SHLD1: variants seen among roughly 807,000 people sequenced by gnomAD.
The protein encoded by SHLD1 is shieldin complex subunit 1, also known as RINN1-REV7-interacting novel NHEJ regulator 3.
Under a neutral mutation model 5.5 loss-of-function variants are expected in SHLD1, and 3 were observed. That is an observed-to-expected ratio of 0.54 (90% confidence interval 0.25 to 1.40). SHLD1 has a LOEUF of 1.40. Among genes scored for constraint, SHLD1 ranks in the 40% most tolerant of loss-of-function variants. The pLI, the probability that SHLD1 is intolerant of heterozygous loss-of-function variation, is 0.15. For synonymous variants in SHLD1, 92 were observed against 94.3 expected, an observed-to-expected ratio of 0.98 and a Z score of 0.14; for missense variants, 210 against 244.4, an observed-to-expected ratio of 0.86 and a Z score of 0.94.
intron 1 of SHLD1, among the ~76,000 whole-genome samples, chr20:5,771,180 T>G (rs1568493885): frequency 1.3e-5 from 2 of 152,182 alleles, no homozygotes; most frequent in Non-Finnish European, 2.9e-5. Flanking sequence ...TTTCCAGTCT[T>G]TTCATGCTTT....
intron 1 of SHLD1, among the ~76,000 whole-genome samples, chr20:5,752,051 C>CG (rs1408457201): frequency 6.6e-6 from 1 of 152,068 alleles, no homozygotes; most frequent in Admixed American, 6.6e-5. Context: ...GTCCTTGTTA[C>CG]GTAGATGAAG....
chr20:5,786,081 C>T (rs915979186), intron 2 of SHLD1, among the ~76,000 whole-genome samples: 1 of 152,150 alleles, frequency 6.6e-6, no homozygotes, highest in Non-Finnish European at 1.5e-5. Context: ...GCAGCAGCCT[C>T]AGAAGCAAAA....
chr20:5,779,721 T>TCAC (rs1985601115), intron 2 of SHLD1, among the ~76,000 whole-genome samples: 1 of 152,174 alleles, frequency 6.6e-6, no homozygotes, highest in South Asian at 2.1e-4. Flanking sequence ...TCAGGGTGAC[T>TCAC]CACCATTGGT....
At chr20:5,830,688 TAAA>T (rs33975362) in intron 2 of SHLD1, among the ~76,000 whole-genome samples, 36 of 131,304 alleles carry the variant, frequency 2.7e-4, no homozygotes, top group Admixed American at 8.5e-4. Context: ...AACTCCGTCT[TAAA>T]AAAAAAAAAA....
At chr20:5,852,226 A>T (rs2088020150) in intron 2 of SHLD1, among the ~76,000 whole-genome samples, 1 of 152,198 alleles carries the variant, frequency 6.6e-6, no homozygotes, top group Admixed American at 6.5e-5. Flanking sequence ...ACGGACTAAT[A>T]CAATATTATT....
chr20:5,780,034 A>C (rs1211779773), intron 2 of SHLD1, among the ~76,000 whole-genome samples: 1 of 130,510 alleles, frequency 7.7e-6, no homozygotes, highest in African/African-American at 3.0e-5. Flanking sequence ...GCTGGAGTGC[A>C]GTGGTGCAAT....
intron 2 of SHLD1, among the ~76,000 whole-genome samples, chr20:5,849,802 A>G (rs1245329871): frequency 6.7e-6 from 1 of 150,270 alleles, no homozygotes; most frequent in Non-Finnish European, 1.5e-5. Context: ...TACTAAAAAT[A>G]CAAAAAATTA....
At chr20:5,821,522 A>AAAAC (rs1568519466) in intron 2 of SHLD1, among the ~76,000 whole-genome samples, 3 of 152,214 alleles carry the variant, frequency 2.0e-5, no homozygotes, top group African/African-American at 7.2e-5. Context: ...AAAACAAAAC[A>AAAAC]AAACAAAACA....
chr20:5,836,442 T>A (rs2087790114), intron 2 of SHLD1, among the ~76,000 whole-genome samples: 1 of 152,214 alleles, frequency 6.6e-6, no homozygotes, highest in Admixed American at 6.5e-5. Flanking sequence ...GAAAGTTGTT[T>A]CCATATACCA....
At chr20:5,768,549 A>T (rs565192646) in intron 1 of SHLD1, among the ~76,000 whole-genome samples, 1 of 152,354 alleles carries the variant, frequency 6.6e-6, no homozygotes, top group East Asian at 1.9e-4. Flanking sequence ...CAGGCCTGTC[A>T]CATTAAATAA....
chr20:5,775,670 A>G (rs1985389313), intron 2 of SHLD1, among the ~76,000 whole-genome samples: 1 of 152,190 alleles, frequency 6.6e-6, no homozygotes, highest in South Asian at 2.1e-4. Context: ...GTGCTGGATT[A>G]GACAGCCTGG....
At chr20:5,842,755 C>T (rs933911686) in intron 2 of SHLD1, among the ~76,000 whole-genome samples, 2 of 152,140 alleles carry the variant, frequency 1.3e-5, no homozygotes, top group Non-Finnish European at 2.9e-5. Flanking sequence ...TATCTTTCCA[C>T]TGGACTCTAG....
At chr20:5,812,063 CTTTT>C (rs1487704428) in intron 2 of SHLD1, among the ~76,000 whole-genome samples, 7 of 145,068 alleles carry the variant, frequency 4.8e-5, no homozygotes, top group African/African-American at 1.5e-4. Context: ...ACTTCTTTTT[CTTTT>C]TCTTTTTTTT....
At chr20:5,785,304 C>T (rs1230795074) in intron 2 of SHLD1, among the ~76,000 whole-genome samples, 2 of 152,186 alleles carry the variant, frequency 1.3e-5, no homozygotes, top group African/African-American at 4.8e-5. Context: ...TTGATTCTCA[C>T]AGCCACACCC....
intron 2 of SHLD1, among the ~76,000 whole-genome samples, chr20:5,782,043 T>G (rs1183492746): frequency 6.6e-6 from 1 of 152,170 alleles, no homozygotes; most frequent in East Asian, 1.9e-4. Context: ...TGTTAATGTC[T>G]TAGCTGCATT....
intron 2 of SHLD1, among the ~76,000 whole-genome samples, chr20:5,791,616 T>C (rs1450563241): frequency 1.1e-5 from 1 of 87,048 alleles, no homozygotes; most frequent in Non-Finnish European, 2.6e-5. Context: ...AACTGAAAAA[T>C]ATAGCCAAAC....
intron 2 of SHLD1, among the ~76,000 whole-genome samples, chr20:5,817,432 C>CTCTCTCTCTCTGTG (rs1473391202): frequency 8.5e-4 from 73 of 85,654 alleles, no homozygotes; most frequent in South Asian, 4.4e-3. Flanking sequence ...CTCTCTCTCT[C>CTCTCTCTCTCTGTG]TGTGTGTGTG....
chr20:5,751,183 C>T (rs536115903), intron 1 of SHLD1, among the ~76,000 whole-genome samples: 1 of 152,312 alleles, frequency 6.6e-6, no homozygotes, highest in Admixed American at 6.5e-5. Flanking sequence ...TGCTAGTATA[C>T]TTTCTGTCTG....
At chr20:5,801,339 GTGC>G (rs1407855739) in intron 2 of SHLD1, among the ~76,000 whole-genome samples, 1 of 152,124 alleles carries the variant, frequency 6.6e-6, no homozygotes, top group Non-Finnish European at 1.5e-5. Flanking sequence ...GCCTCCCAAA[GTGC>G]TGCGATTATA....
Sources: gnomAD v4.1 joint callset for allele counts (sites outside exome capture counted in the v4.1 genomes callset) on GRCh38, gnomAD v4.1.1 for gene constraint, MANE v1.5 for transcripts, NCBI Gene and HGNC (gene_info 2026-07-23, HGNC 2026-07-21) for gene names.